TTC34: variants seen among roughly 807,000 people sequenced by gnomAD.
TTC34 encodes tetratricopeptide repeat protein 34.
In TTC34, 44 loss-of-function variants were observed where a neutral mutation model predicts 40.7. The observed-to-expected ratio is 1.08, with a 90% CI of 0.85 to 1.39. The LOEUF is 1.39. Among genes scored for constraint, TTC34 ranks in the 40% most tolerant of loss-of-function variants. The probability of loss-of-function intolerance (pLI) is 0.00; values close to 1 mark genes in which losing one functional copy is unlikely to be tolerated. For missense variants in TTC34, 884 were observed against 838.0 expected (o/e 1.05, Z -0.68); for synonymous variants, 422 against 398.6 (o/e 1.06, Z -0.70).
chr1:2,772,941 C>T (rs1301432528), intron 6 of TTC34, among the ~76,000 whole-genome samples: 9 of 135,804 alleles, frequency 6.6e-5, no homozygotes, highest in Admixed American at 2.2e-4. Flanking sequence ...CCCATACCCC[C>T]AGGCGAGCAT....
chr1:2,658,622 T>C (rs1317374037), intron 6 of TTC34, among the ~76,000 whole-genome samples: 3 of 45,024 alleles, frequency 6.7e-5, no homozygotes, highest in South Asian at 6.6e-4. Flanking sequence ...ACAGCACCCA[T>C]ACGCCCAGAT....
chr1:2,692,299 G>T (rs1433696521), intron 6 of TTC34, among the ~76,000 whole-genome samples: 2 of 27,518 alleles, frequency 7.3e-5, no homozygotes, highest in South Asian at 2.6e-3. Context: ...GGAGCAGCAG[G>T]CACACCCCCA....
In TTC34 at chr1:2,699,412, C is replaced by G. The variant is rs577678459; in HGVS notation, c.2227-53849G>C. On this transcript the variant is annotated intron_variant, in intron 6 of 8. Coordinates refer to ENST00000401095, the Ensembl canonical transcript of TTC34. ...TGACAGCCTGGAACAGCACCCCACA[C>G]CCCAAGGTGAGTATCTGACAGCCTG... 5.9e-5 allele frequency among the ~76,000 whole-genome samples: 6 copies of G among 101,938 alleles called. 1 individual carries two copies. The highest frequency in any genetic ancestry group is 1.8e-4 in the African/African-American group (6 of 32,794). 66.9% of individuals were successfully genotyped at this position (101,938 alleles called of 152,430 possible).
chr1:2,650,496 C>G (rs936146684), intron 6 of TTC34, among the ~76,000 whole-genome samples: 1 of 151,364 alleles, frequency 6.6e-6, no homozygotes, highest in Non-Finnish European at 1.5e-5. Flanking sequence ...GGAACAGGAC[C>G]CCACTACCCC....
intron 6 of TTC34, among the ~76,000 whole-genome samples, chr1:2,752,433 C>T (rs1641351995): frequency 1.4e-5 from 2 of 145,564 alleles, no homozygotes; most frequent in African/African-American, 2.6e-5. Flanking sequence ...ATCTGACAGC[C>T]TGGAACAGCA....
intron 6 of TTC34, among the ~76,000 whole-genome samples, chr1:2,688,020 T>A (rs555626510): frequency 6.1e-4 from 80 of 130,390 alleles, no homozygotes; most frequent in African/African-American, 2.5e-3. Context: ...CAGGCGAGCA[T>A]CTGACTGCAT....
At chr1:2,791,132 G>A (rs948904419) in intron 2 of TTC34, among the ~76,000 whole-genome samples, 6 of 142,498 alleles carry the variant, frequency 4.2e-5, no homozygotes, top group African/African-American at 1.3e-4. Context: ...CCCTCCCCGC[G>A]CACCTGCCCC....
At chr1:2,695,008 T>C (rs1358170030) in intron 6 of TTC34, among the ~76,000 whole-genome samples, 14 of 151,356 alleles carry the variant, frequency 9.2e-5, no homozygotes, top group African/African-American at 3.2e-4. Flanking sequence ...GGTGAGGATC[T>C]GACAGCCTGG....
intron 6 of TTC34, among the ~76,000 whole-genome samples, chr1:2,687,077 C>A (rs112658329): frequency 1.4e-5 from 2 of 145,220 alleles, no homozygotes; most frequent in African/African-American, 2.8e-5. Flanking sequence ...TGGAGCAGGA[C>A]CCACACCCCC....
intron 4 of TTC34, among the ~76,000 whole-genome samples, chr1:2,787,029 G>A (rs1643599609): frequency 6.6e-6 from 1 of 152,204 alleles, no homozygotes; most frequent in Non-Finnish European, 1.5e-5. Flanking sequence ...ACCTGAGGCA[G>A]GTAAGGGTCT....
Position 2,760,253 on chromosome 1 carries a change from C to T in TTC34, c.2226+23356G>A, listed in dbSNP as rs1383680352. ...AGCAGCACCCACAACCCCAGGCGAG[C>T]ATCTGACCGCATGGAGCAGCAGCCA... On this transcript the variant is annotated intron_variant, in intron 6 of 8. Coordinates refer to ENST00000401095, the Ensembl canonical transcript of TTC34. Among the ~76,000 whole-genome samples, 5 of 83,712 alleles carry T rather than the reference C, an allele frequency of 6.0e-5. 1 individual carries two copies. Among genetic ancestry groups the T allele is most frequent in the Non-Finnish European group, 8.7e-5 (4 of 45,736 alleles). 54.9% of individuals were successfully genotyped at this position (83,712 alleles called of 152,430 possible). A position where few individuals can be genotyped will look rare whatever the true frequency, so the allele number is the denominator to read the frequency against.
chr1:2,798,475 CAGCCTCTT>C (rs1242598554), intron 2 of TTC34, among the ~76,000 whole-genome samples: 2 of 107,750 alleles, frequency 1.9e-5, no homozygotes, highest in African/African-American at 7.7e-5. Flanking sequence ...CCCAGCCTCT[CAGCCTCTT>C]AGCCCCTTAG....
At position 2,749,484 on chromosome 1, in the gene TTC34, C is replaced by T. The variant is rs1346351708; in HGVS notation, c.2226+34125G>A. Among the ~76,000 whole-genome samples the T allele has an allele frequency of 2.8e-3, 240 of 85,944 alleles. 2 individuals carry two copies. The highest frequency in any genetic ancestry group is 5.3e-3 in the Middle Eastern group (1 of 188). 56.4% of individuals were successfully genotyped at this position (85,944 alleles called of 152,430 possible). ...TGACGGCCTGGAACAGCACCCACATCCCCAGGTGAGCATTGGACAGCCTGG... is the reference window on the plus strand; with the variant it reads ...TGACGGCCTGGAACAGCACCCACATTCCCAGGTGAGCATTGGACAGCCTGG... On this transcript the variant is annotated intron_variant, in intron 6 of 8. Transcript: ENST00000401095.
chr1:2,789,584 T>TGCAGCATCCCACGG lies in TTC34; in HGVS notation c.1533_1546dup (p.Gln516ProfsTer45). 1 of 1,451,648 alleles carries TGCAGCATCCCACGG rather than the reference T, an allele frequency of 6.9e-7. No individual in the cohort carries two copies. The highest frequency in any genetic ancestry group is 9.0e-7 in the Non-Finnish European group (1 of 1,105,552). The allele number at this position is 1,451,648 out of a possible 1,614,324, so 89.9% of individuals were successfully genotyped here. On this transcript the variant is annotated frameshift_variant, in exon 3 of 9. Transcript: ENST00000401095. LOFTEE classifies it high-confidence loss of function. The stretch of plus-strand genomic sequence containing the variant: ...GGACGGCCCGGCGCGTGGAGATCGC[T>TGCAGCATCCCACGG]GCAGCATCCCACGGGCCTCCTCCCG...
At chr1:2,651,775 GCAT>G (rs1315365437) in intron 6 of TTC34, among the ~76,000 whole-genome samples, 2 of 152,088 alleles carry the variant, frequency 1.3e-5, no homozygotes, top group East Asian at 3.9e-4. Flanking sequence ...CCTCAGATGA[GCAT>G]CTGACAGCCG....
At chr1:2,791,721 G>A (rs139059425) in intron 2 of TTC34, among the ~76,000 whole-genome samples, 1 of 152,102 alleles carries the variant, frequency 6.6e-6, no homozygotes, top group African/African-American at 2.4e-5. Context: ...GTGGCTCATG[G>A]ATCCGAGGGA....
At chr1:2,789,756 G>A (rs931416446) in exon 3 of TTC34, 79 of 669,078 alleles carry the variant, frequency 1.2e-4, no homozygotes, top group Non-Finnish European at 1.6e-4. Context: ...AGCAGTCCCC[G>A]GCCGCACAGC....
At chr1:2,781,457 AC>A (rs1284217193) in intron 6 of TTC34, among the ~76,000 whole-genome samples, 1 of 152,202 alleles carries the variant, frequency 6.6e-6, no homozygotes, top group Non-Finnish European at 1.5e-5. Context: ...AGGGATTTCT[AC>A]ATATAAGATC....
chr1:2,694,921 A>C (rs1282161517), intron 6 of TTC34, among the ~76,000 whole-genome samples: 1 of 128,144 alleles, frequency 7.8e-6, no homozygotes, highest in Admixed American at 8.1e-5. Flanking sequence ...CACTCACGCG[A>C]GCACCTGACA....
Sources: gnomAD v4.1 joint callset for allele counts (sites outside exome capture counted in the v4.1 genomes callset) on GRCh38, gnomAD v4.1.1 for gene constraint, MANE v1.5 for transcripts, NCBI Gene and HGNC (gene_info 2026-07-23, HGNC 2026-07-21) for gene names.